The following CSGALNACT1 variants were observed in gnomAD, a reference collection of about 807,000 sequenced individuals.
The protein encoded by CSGALNACT1 is chondroitin sulfate N-acetylgalactosaminyltransferase 1.
In CSGALNACT1, 52 loss-of-function variants were observed where a neutral mutation model predicts 51.0. That is an observed-to-expected ratio of 1.02 (90% CI 0.82 to 1.29). The LOEUF (loss-of-function observed/expected upper bound fraction) is 1.29, where lower values mean the gene tolerates loss of function less well. Among genes scored for constraint, CSGALNACT1 ranks in the 50% most tolerant of loss-of-function variants. The probability of loss-of-function intolerance (pLI) is 0.00; values close to 1 mark genes in which losing one functional copy is unlikely to be tolerated. For synonymous variants in CSGALNACT1, 341 were observed against 254.4 expected, an observed-to-expected ratio of 1.34 and a Z score of -3.24; for missense variants, 935 against 679.2, an observed-to-expected ratio of 1.38 and a Z score of -4.19.
At chr8:19,490,517 A>G (rs1486910949) in intron 4 of CSGALNACT1, among the ~76,000 whole-genome samples, 1 of 152,232 alleles carries the variant, frequency 6.6e-6, no homozygotes, top group Non-Finnish European at 1.5e-5. Flanking sequence ...GACGGAGAAC[A>G]CCAGAACCTC....
chr8:19,664,965 G>A (rs1410835614), intron 1 of CSGALNACT1, among the ~76,000 whole-genome samples: 1 of 152,180 alleles, frequency 6.6e-6, no homozygotes, highest in Non-Finnish European at 1.5e-5. Flanking sequence ...TACAGTAAAA[G>A]TACAGACTTA....
intron 5 of CSGALNACT1, among the ~76,000 whole-genome samples, chr8:19,456,594 G>A (rs1402701376): frequency 6.6e-6 from 1 of 152,222 alleles, no homozygotes; most frequent in Admixed American, 6.5e-5. Context: ...AAAACCTACA[G>A]AGAAAGAGAG....
intron 1 of CSGALNACT1, among the ~76,000 whole-genome samples, chr8:19,691,315 G>GC (rs1176233619): frequency 2.0e-5 from 3 of 152,122 alleles, no homozygotes; most frequent in Admixed American, 2.0e-4. Context: ...ACACCGCTGA[G>GC]CAGGGCTTCT....
At chr8:19,638,286 C>G (rs2056346639) in intron 1 of CSGALNACT1, among the ~76,000 whole-genome samples, 1 of 152,144 alleles carries the variant, frequency 6.6e-6, no homozygotes, top group Non-Finnish European at 1.5e-5. Flanking sequence ...TCAACTGTGT[C>G]TGCTGCTCCA....
chr8:19,665,279 G>A (rs2059098113), intron 1 of CSGALNACT1, among the ~76,000 whole-genome samples: 2 of 152,268 alleles, frequency 1.3e-5, no homozygotes, highest in East Asian at 3.9e-4. Flanking sequence ...TATACTGATA[G>A]GTAAATCCAG....
At chr8:19,749,335 C>A (rs76755780) in intron 1 of CSGALNACT1, among the ~76,000 whole-genome samples, 88 of 149,684 alleles carry the variant, frequency 5.9e-4, no homozygotes, top group Non-Finnish European at 9.9e-4. Context: ...CAATTCGATA[C>A]TGTTTTTAAA....
At chr8:19,715,286 G>A (rs1283012802) in intron 1 of CSGALNACT1, among the ~76,000 whole-genome samples, 4 of 152,124 alleles carry the variant, frequency 2.6e-5, no homozygotes, top group Non-Finnish European at 5.9e-5. Flanking sequence ...AATTATGGGA[G>A]CACAATTCAA....
At chr8:19,755,465 A>AAAAG in intron 1 of CSGALNACT1, among the ~76,000 whole-genome samples, 1 of 126,738 alleles carries the variant, frequency 7.9e-6, no homozygotes, top group Admixed American at 7.6e-5. Flanking sequence ...ACAAAAAAAA[A>AAAAG]AAAAAAAAAA....
At chr8:19,497,545 C>A (rs577984783) in intron 4 of CSGALNACT1, among the ~76,000 whole-genome samples, 77 of 152,256 alleles carry the variant, frequency 5.1e-4, no homozygotes, top group African/African-American at 1.7e-3. Flanking sequence ...GAATTTAAAA[C>A]AACCATGAAT....
intron 1 of CSGALNACT1, among the ~76,000 whole-genome samples, chr8:19,646,438 A>C (rs533241777): frequency 1.2e-4 from 19 of 152,364 alleles, no homozygotes; most frequent in African/African-American, 4.6e-4. Flanking sequence ...AGAGATACTG[A>C]AAATCATTTG....
In CSGALNACT1 at chr8:19,638,543, A is replaced by G. The variant is rs536349078; in HGVS notation, c.-543-36678T>C. ...AAGGAACTGGATGAATCAGAAAGGG[A>G]ACAAGTGAAAAGGCTAACAATAAGG... On this transcript the variant is annotated intron_variant, in intron 1 of 9. Coordinates refer to the CSGALNACT1 transcript ENST00000332246. 3.1e-4 allele frequency among the ~76,000 whole-genome samples: 47 copies of G among 152,376 alleles called. 1 individual carries two copies. The East Asian group carries it at 8.9e-3, about 29-fold the overall frequency.
rs1388705933 is a variant in CSGALNACT1, at chr8:19,433,053, A to G, written c.953+6777T>C. 2.6e-5 allele frequency among the ~76,000 whole-genome samples: 4 copies of G among 152,184 alleles called. No homozygotes were observed. In the East Asian group the frequency reaches 7.7e-4, roughly 29 times the overall value. Reference sequence around the variant, plus strand: ...AAAAAATGTATTATGGTAAGCCTAGAAAGTAGAATCTCCTCCTTCTCCCAG... The same window carrying G: ...AAAAAATGTATTATGGTAAGCCTAGGAAGTAGAATCTCCTCCTTCTCCCAG... On this transcript the variant is annotated intron_variant, in intron 6 of 9. Transcript: ENST00000454498.
chr8:19,478,523 C>G (rs534072195), intron 4 of CSGALNACT1, among the ~76,000 whole-genome samples: 1 of 151,224 alleles, frequency 6.6e-6, no homozygotes, highest in Non-Finnish European at 1.5e-5. Context: ...GACTAACTAA[C>G]GTACAGCCCA....
rs79359340 is a variant in CSGALNACT1 at position 19,701,994 on chromosome 8, T to G, written c.-297+55856A>C. Among the ~76,000 whole-genome samples, 15 of 152,352 alleles carry G rather than the reference T, an allele frequency of 9.8e-5. No homozygotes were observed. In the East Asian group the frequency reaches 2.9e-3, roughly 29 times the overall value. On this transcript the variant is annotated intron_variant, in intron 1 of 1. Coordinates refer to the CSGALNACT1 transcript ENST00000517494. ...CCAAATTGCTCCTTTATTTGAGAATTATTTCCTTTAGGAACTGAGATTCTT... is the reference window on the plus strand; with the variant it reads ...CCAAATTGCTCCTTTATTTGAGAATGATTTCCTTTAGGAACTGAGATTCTT...
At chr8:19,586,727 C>A (rs1276529676) in intron 3 of CSGALNACT1, among the ~76,000 whole-genome samples, 1 of 152,066 alleles carries the variant, frequency 6.6e-6, no homozygotes, top group African/African-American at 2.4e-5. Flanking sequence ...GATATTGTAC[C>A]TAAGAAGGTT....
Position 19,632,684 on chromosome 8 carries a change from G to A in CSGALNACT1, c.-543-30819C>T, listed in dbSNP as rs184094192. 4.7e-3 allele frequency among the ~76,000 whole-genome samples: 712 copies of A among 152,282 alleles called. 6 individuals carry two copies. Among genetic ancestry groups the A allele is most frequent in the Admixed American group, 9.1e-3 (139 of 15,296 alleles). ...ACTGAAATACTCACATCTCAGCAGT[G>A]CTAAGAAAACTCTCCCCAGGAAAGG... On this transcript the variant is annotated intron_variant, in intron 1 of 9. Transcript: ENST00000332246.
intron 4 of CSGALNACT1, among the ~76,000 whole-genome samples, chr8:19,484,094 G>C (rs1378401116): frequency 6.6e-6 from 1 of 152,314 alleles, no homozygotes; most frequent in Non-Finnish European, 1.5e-5. Flanking sequence ...CTTAGGAGCT[G>C]TCACAGTGAT....
intron 3 of CSGALNACT1, among the ~76,000 whole-genome samples, chr8:19,509,863 A>T (rs1210386267): frequency 6.6e-6 from 1 of 152,114 alleles, no homozygotes; most frequent in Non-Finnish European, 1.5e-5. Context: ...TGACAGTGAA[A>T]ATACAGCTTT....
chr8:19,749,192 T>G (rs946244071), intron 1 of CSGALNACT1, among the ~76,000 whole-genome samples: 1 of 151,820 alleles, frequency 6.6e-6, no homozygotes, highest in Non-Finnish European at 1.5e-5. Context: ...GGACTATTCC[T>G]CTTCCCACTA....
Sources: gnomAD v4.1 joint callset for allele counts (sites outside exome capture counted in the v4.1 genomes callset) on GRCh38, gnomAD v4.1.1 for gene constraint, MANE v1.5 for transcripts, NCBI Gene and HGNC (gene_info 2026-07-23, HGNC 2026-07-21) for gene names.